Variants in EFTUD2 observed in about 807,000 individuals in gnomAD.
EFTUD2 encodes elongation factor Tu GTP binding domain containing 2.
In EFTUD2, 9 loss-of-function variants were observed where a neutral mutation model predicts 114.3. That is an observed-to-expected ratio of 0.08 (90% CI 0.05 to 0.14). EFTUD2 has a LOEUF of 0.14. Ranked by LOEUF, EFTUD2 falls within the 10% of genes least tolerant of loss-of-function variation. The pLI is 1.00. For missense variants in EFTUD2, 765 were observed against 1,241.2 expected (o/e 0.62, Z 5.76); for synonymous variants, 449 against 462.3 (o/e 0.97, Z 0.37).
chr17:44,873,500 C>T (rs1363997839), intron 10 of EFTUD2, among the ~76,000 whole-genome samples: 1 of 152,004 alleles, frequency 6.6e-6, no homozygotes, highest in African/African-American at 2.4e-5. Flanking sequence ...GGACTGCAGG[C>T]ATGAACCACC....
At chr17:44,889,998 CTAATTTT>C (rs2051249413) in intron 2 of EFTUD2, among the ~76,000 whole-genome samples, 1 of 152,046 alleles carries the variant, frequency 6.6e-6, no homozygotes, top group Admixed American at 6.6e-5. Flanking sequence ...ATTGCTTTTT[CTAATTTT>C]TAATTTTTTT....
At position 44,854,778 on chromosome 17, in the gene EFTUD2, T is replaced by A. The variant is rs1420025235; in HGVS notation, c.2133-96A>T. ...CCCTTCCTGGAAGACAGTCACTTCA[T>A]CCTACCCACTGTGCCCAGAACAAGA... is the stretch of plus-strand genomic sequence containing the variant. On this transcript the variant is annotated intron_variant, in intron 21 of 27. Coordinates refer to ENST00000426333, the MANE Select transcript of EFTUD2 (RefSeq NM_004247.4). This position sits in a 1 kb window ranked among gnomAD's most constrained non-coding sequence, Gnocchi z 4.3. 1.3e-6 allele frequency: 2 copies of A among 1,579,284 alleles called. No individual in the cohort carries two copies. The highest frequency in any genetic ancestry group is 2.7e-5 in the African/African-American group (2 of 74,302).
chr17:44,894,622 T>C, intron 1 of EFTUD2, 97 bp from the exon 2 acceptor site: 1 of 886,792 alleles, frequency 1.1e-6, no homozygotes, highest in South Asian at 1.4e-5. Flanking sequence ...TGGTTGGCCA[T>C]ACCCCTTTCA....
In EFTUD2 at chr17:44,864,987, G is replaced by C; in HGVS notation, c.1228C>G (p.Leu410Val). The C allele has an allele frequency of 1.9e-6, 3 of 1,614,198 alleles. No homozygotes were observed. Among genetic ancestry groups the C allele is most frequent in the Non-Finnish European group, 2.5e-6 (3 of 1,180,052 alleles). Residue 410 changes from leucine (L) to valine (V), a missense_variant, in exon 14 of 28, where the codon CTG becomes GTG. By Grantham distance (32) the Leu-to-Val change is conservative. This residue lies in a region of EFTUD2 where 251 missense variants were observed against 357.7 expected (regional missense o/e 0.70). Coordinates refer to ENST00000426333, the MANE Select transcript of EFTUD2 (RefSeq NM_004247.4). Reference sequence around the variant, plus strand: ...AGCCTGAGCAAGGGGCGGATGTTCAGCTTCAGCTCCTCCTTCGTCAGGTGG... The same window carrying C: ...AGCCTGAGCAAGGGGCGGATGTTCACCTTCAGCTCCTCCTTCGTCAGGTGG... ...GIHLTKEELK[L>V]NIRPLLRLVC... is the part of the protein sequence containing the mutation.
In EFTUD2 at chr17:44,854,463, GAC is replaced by G; in HGVS notation, c.2259+91_2259+92del. Reference sequence around the variant, plus strand: ...AAGGGGATACTGTCCTTCACCAGAGGACACAAGATACTTTTGGGAAAAGAACA... The same window carrying G: ...AAGGGGATACTGTCCTTCACCAGAGGACAAGATACTTTTGGGAAAAGAACA... On this transcript the variant is annotated intron_variant, in intron 22 of 27. Coordinates refer to ENST00000426333, the MANE Select transcript of EFTUD2 (RefSeq NM_004247.4). The surrounding 1 kb of genome is among the most constrained non-coding windows in gnomAD (Gnocchi z 4.3). The G allele has an allele frequency of 6.3e-6, 10 of 1,578,010 alleles. No homozygotes were observed. Among genetic ancestry groups the G allele is most frequent in the Non-Finnish European group, 8.6e-6 (10 of 1,158,288 alleles).
intron 2 of EFTUD2, chr17:44,894,091 G>C: frequency 9.4e-6 from 2 of 212,334 alleles, no homozygotes; most frequent in South Asian, 9.0e-5. Flanking sequence ...AGAAAAAAGA[G>C]GGGGCTGGGC....
At chr17:44,861,541 G>A (rs1441094900) in intron 16 of EFTUD2, among the ~76,000 whole-genome samples, 1 of 151,850 alleles carries the variant, frequency 6.6e-6, no homozygotes, top group Non-Finnish European at 1.5e-5. Flanking sequence ...AGACCATTCT[G>A]GCTAATACGG....
chr17:44,880,484 C>T, intron 8 of EFTUD2, 70 bp downstream of exon 8: 2 of 1,224,402 alleles, frequency 1.6e-6, no homozygotes, highest in Non-Finnish European at 2.4e-6. Context: ...CCGTTCTGCT[C>T]CGAAAAGTGA....
At chr17:44,896,865 A>G (rs1328543738) in intron 1 of EFTUD2, among the ~76,000 whole-genome samples, 1 of 152,208 alleles carries the variant, frequency 6.6e-6, no homozygotes, top group Non-Finnish European at 1.5e-5. Context: ...AATGGAATGA[A>G]TAATCCTCAC....
intron 14 of EFTUD2, 63 bp from the exon 15 acceptor site, chr17:44,863,845 C>T (rs1318727153): frequency 6.3e-7 from 1 of 1,592,260 alleles, no homozygotes; most frequent in African/African-American, 1.3e-5. Context: ...GCAGGAGTTA[C>T]TGAGCCATTC....
chr17:44,885,525 T>C (rs2051153339), intron 3 of EFTUD2, among the ~76,000 whole-genome samples, 191 bp from the exon 4 acceptor site: 1 of 152,104 alleles, frequency 6.6e-6, no homozygotes. Flanking sequence ...GGACCTTGAA[T>C]TGTGGAAAGA....
At chr17:44,896,646 C>T (rs994954328) in intron 1 of EFTUD2, among the ~76,000 whole-genome samples, 6 of 151,742 alleles carry the variant, frequency 4.0e-5, no homozygotes, top group African/African-American at 9.7e-5. Flanking sequence ...GACTCCGTCT[C>T]GAAAAAAATA....
intron 10 of EFTUD2, among the ~76,000 whole-genome samples, chr17:44,874,526 A>C (rs887727527): frequency 6.6e-6 from 1 of 152,136 alleles, no homozygotes; most frequent in Non-Finnish European, 1.5e-5. Flanking sequence ...CCCAATCCTT[A>C]AATGGAGAGG....
chr17:44,854,788 T>C lies in EFTUD2; in HGVS notation c.2133-106A>G, dbSNP rs2050517279. 8 of 1,577,284 alleles carry C rather than the reference T, an allele frequency of 5.1e-6. No individual in the cohort carries two copies. Among genetic ancestry groups the C allele is most frequent in the Non-Finnish European group, 6.9e-6 (8 of 1,153,692 alleles). Reference sequence around the variant, plus strand: ...AAGACAGTCACTTCATCCTACCCACTGTGCCCAGAACAAGAGCAAAGGCAA... The same window carrying C: ...AAGACAGTCACTTCATCCTACCCACCGTGCCCAGAACAAGAGCAAAGGCAA... On this transcript the variant is annotated intron_variant, in intron 21 of 27. Transcript: ENST00000426333. This position sits in a 1 kb window ranked among gnomAD's most constrained non-coding sequence, Gnocchi z 4.3.
At position 44,875,930 on chromosome 17, in the gene EFTUD2, C is replaced by T. The variant is rs1487355395; in HGVS notation, c.869+4G>A. On this transcript the variant is annotated splice_donor_region_variant and intron_variant, in intron 10 of 27. Transcript: ENST00000426333. ...CAGGAAATCCACTCCCAGGGGTTTT[C>T]TACCTTATTAATCCATTGACCTCAT... 3 of 1,612,700 alleles carry T rather than the reference C, an allele frequency of 1.9e-6. No homozygotes were observed. The highest frequency in any genetic ancestry group is 2.5e-6 in the Non-Finnish European group (3 of 1,179,276).
intron 20 of EFTUD2, 49 bp downstream of exon 20, chr17:44,857,026 A>AGAGT (rs767644587): frequency 2.3e-5 from 34 of 1,482,212 alleles, no homozygotes; most frequent in Non-Finnish European, 2.7e-5. Flanking sequence ...TAAAGGAGAG[A>AGAGT]GAGTGTCCAG....
Position 44,854,436 on chromosome 17 carries a change from G to A in EFTUD2, c.2260-80C>T. 6.3e-7 allele frequency: 1 copy of A among 1,578,542 alleles called. No individual in the cohort carries two copies. Among genetic ancestry groups the A allele is most frequent in the Non-Finnish European group, 8.6e-7 (1 of 1,156,692 alleles). ...TTAGAGGGAGAAGACAGATGTGCCT[G>A]TAAGGGGATACTGTCCTTCACCAGA... On this transcript the variant is annotated intron_variant, in intron 22 of 27. Transcript: ENST00000426333. This position sits in a 1 kb window ranked among gnomAD's most constrained non-coding sequence, Gnocchi z 4.3.
At chr17:44,852,065 G>A (rs1441949581) in intron 26 of EFTUD2, among the ~76,000 whole-genome samples, 1 of 151,832 alleles carries the variant, frequency 6.6e-6, no homozygotes, top group Non-Finnish European at 1.5e-5. Context: ...TTACAGGCAT[G>A]CACCACCACG....
chr17:44,860,586 C>A, intron 16 of EFTUD2, 43 bp from the exon 17 acceptor site: 53 of 1,088,198 alleles, frequency 4.9e-5, no homozygotes, highest in Non-Finnish European at 6.6e-5. Context: ...TTAGGCAGAG[C>A]ATTCCCTAAT....
Sources: gnomAD v4.1 joint callset for allele counts (sites outside exome capture counted in the v4.1 genomes callset) on GRCh38, gnomAD v4.1.1 for gene constraint, gnomAD v4.1.1 regional missense constraint, Gnocchi (gnomAD v3.1) non-coding constraint, MANE v1.5 for transcripts, NCBI Gene and HGNC (gene_info 2026-07-23, HGNC 2026-07-21) for gene names.